NAT2: variants seen among roughly 807,000 people sequenced by gnomAD.
The protein encoded by NAT2 is N-acetyltransferase 2.
For synonymous variants in NAT2, 137 were observed against 125.9 expected, an observed-to-expected ratio of 1.09 and a Z score of -0.59; for missense variants, 428 against 339.1, an observed-to-expected ratio of 1.26 and a Z score of -2.06.
At chr8:18,389,859 C>T (rs1800565902), upstream of NAT2, among the ~76,000 whole-genome samples, 1 of 152,134 alleles carries the variant, frequency 6.6e-6, no homozygotes, top group Admixed American at 6.5e-5. Flanking sequence ...TCTCTAAAAC[C>T]AGGCCACAAG....
chr8:18,386,720 A>G (rs1800511089), upstream of NAT2, among the ~76,000 whole-genome samples: 1 of 151,652 alleles, frequency 6.6e-6, no homozygotes, highest in Admixed American at 6.6e-5. Flanking sequence ...AACTCCTCCC[A>G]CCCACCCGTA....
At chr8:18,398,216 C>G (rs1212015058) in intron 1 of NAT2, among the ~76,000 whole-genome samples, 1 of 152,120 alleles carries the variant, frequency 6.6e-6, no homozygotes, top group Non-Finnish European at 1.5e-5. Flanking sequence ...TAACCTAATG[C>G]CAATGGACTG....
upstream of NAT2, among the ~76,000 whole-genome samples, chr8:18,386,543 C>T (rs1282946397): frequency 6.6e-6 from 1 of 152,194 alleles, no homozygotes; most frequent in Non-Finnish European, 1.5e-5. Flanking sequence ...TGGATGGGCT[C>T]CAGCTTCTCC....
intron 1 of NAT2, among the ~76,000 whole-genome samples, chr8:18,392,454 C>T (rs1585135467): frequency 6.6e-6 from 1 of 152,178 alleles, no homozygotes; most frequent in Non-Finnish European, 1.5e-5. Context: ...AAGCATCCAG[C>T]ACAGGAGAAA....
Position 18,400,312 on chromosome 8 carries a change from T to G in NAT2, c.309T>G (p.Thr103=). The G allele has an allele frequency of 6.2e-7, 1 of 1,613,862 alleles. No homozygotes were observed. Among genetic ancestry groups the G allele is most frequent in the Non-Finnish European group, 8.5e-7 (1 of 1,179,910 alleles). The change falls in exon 2 of 2, where the codon ACT becomes ACG. Residue 103 remains threonine, a synonymous_variant. Transcript: ENST00000286479. The part of the protein sequence containing the change: ...FYIPPVNKYS[T]GMVHLLLQVT... ...TCCCTCCAGTTAACAAATACAGCAC[T>G]GGCATGGTTCACCTTCTCCTGCAGG...
chr8:18,395,895 A>G (rs1021459091), intron 1 of NAT2, among the ~76,000 whole-genome samples: 33 of 151,992 alleles, frequency 2.2e-4, no homozygotes, highest in African/African-American at 7.5e-4. Context: ...ACAAACAATA[A>G]GACCTAATAA....
At chr8:18,388,924 G>C (rs114510534), upstream of NAT2, among the ~76,000 whole-genome samples, 886 of 152,260 alleles carry the variant, frequency 5.8e-3, 9 homozygotes, top group African/African-American at 0.02. Context: ...TTGGTTTGAA[G>C]GTCTTGATGA....
chr8:18,389,933 G>A (rs955947047), upstream of NAT2, among the ~76,000 whole-genome samples: 7 of 152,308 alleles, frequency 4.6e-5, no homozygotes, highest in South Asian at 2.1e-4. Context: ...TCACCAGTGC[G>A]GGAGTATAAC....
At position 18,400,894 on chromosome 8, in the gene NAT2, A is replaced by G; in HGVS notation, c.*18A>G. ...CTATTTAGAATAAGGAACAAAATAA[A>G]CCCTTGTGTATGTATCACCCAACTC... On this transcript the variant is annotated 3_prime_UTR_variant, in exon 2 of 2. Transcript: ENST00000286479. The G allele has an allele frequency of 6.5e-7, 1 of 1,549,658 alleles. No individual in the cohort carries two copies. The highest frequency in any genetic ancestry group is 8.7e-7 in the Non-Finnish European group (1 of 1,152,274).
intron 1 of NAT2, among the ~76,000 whole-genome samples, chr8:18,392,865 G>A (rs55686478): frequency 0.15 from 23,261 of 152,054 alleles, 2,265 homozygotes; most frequent in East Asian, 0.48. Context: ...GAAGAAGCTC[G>A]GCTAGCAAAG....
In NAT2 at chr8:18,400,974, G is replaced by C. The variant is rs532595039; in HGVS notation, c.*98G>C. ...ATCCTCTCTACCCTCACGTTATTTT[G>C]AAGAAAATCCTAAACATCAAATACT... On this transcript the variant is annotated 3_prime_UTR_variant, in exon 2 of 2. Coordinates refer to ENST00000286479, the MANE Select transcript of NAT2 (RefSeq NM_000015.3). 17 of 824,696 alleles carry C rather than the reference G, an allele frequency of 2.1e-5. No individual in the cohort carries two copies. The highest frequency in any genetic ancestry group is 7.8e-4 in the Middle Eastern group (2 of 2,562). The allele number at this position is 824,696 out of a possible 1,614,324, so 51.1% of individuals were successfully genotyped here.
Position 18,401,208 on chromosome 8 carries a change from T to G in NAT2, c.*332T>G, listed in dbSNP as rs1800786367. On this transcript the variant is annotated 3_prime_UTR_variant, in exon 2 of 2. Transcript: ENST00000286479. ...TTTACTGGTAAATGAATAAAGAATATTGTGGAAAAACTCACTGTCTCTAAA... is the reference window on the plus strand; with the variant it reads ...TTTACTGGTAAATGAATAAAGAATAGTGTGGAAAAACTCACTGTCTCTAAA... 5.0e-6 allele frequency: 1 copy of G among 198,202 alleles called. No homozygotes were observed. Among genetic ancestry groups the G allele is most frequent in the Non-Finnish European group, 1.1e-5 (1 of 90,240 alleles). 12.3% of individuals were successfully genotyped at this position (198,202 alleles called of 1,614,324 possible).
chr8:18,388,614 T>G (rs1800544292), upstream of NAT2, among the ~76,000 whole-genome samples: 1 of 152,186 alleles, frequency 6.6e-6, no homozygotes, highest in Non-Finnish European at 1.5e-5. Context: ...AGTTTTGTTG[T>G]TAGCAAGGAA....
At chr8:18,395,554 G>A (rs986086362) in intron 1 of NAT2, among the ~76,000 whole-genome samples, 3 of 151,978 alleles carry the variant, frequency 2.0e-5, no homozygotes, top group Non-Finnish European at 2.9e-5. Flanking sequence ...CAAATACACC[G>A]AATATGTCTG....
chr8:18,397,159 A>G (rs1800706317), intron 1 of NAT2, among the ~76,000 whole-genome samples: 1 of 152,034 alleles, frequency 6.6e-6, no homozygotes, highest in Non-Finnish European at 1.5e-5. Context: ...GTCACTAAAA[A>G]TAAAAATTCC....
chr8:18,398,163 C>G (rs935978072), intron 1 of NAT2, among the ~76,000 whole-genome samples: 3 of 152,112 alleles, frequency 2.0e-5, no homozygotes, highest in African/African-American at 7.2e-5. Flanking sequence ...TTAGGTGCGA[C>G]AAGGTATGGG....
chr8:18,400,523 G>A lies in NAT2; in HGVS notation c.520G>A (p.Glu174Lys), dbSNP rs753856548. Residue 174 changes from glutamate (E) to lysine (K), a missense_variant, in exon 2 of 2, where the codon GAA becomes AAA. Transcript: ENST00000286479. ...GAGAGAGCAGTATATTACAAACAAA[G>A]AATTTCTTAATTCTCATCTCCTGCC... Reference protein sequence around the residue: ...IRREQYITNKEFLNSHLLPKK... With the variant: ...IRREQYITNKKFLNSHLLPKK... 6.2e-7 allele frequency: 1 copy of A among 1,613,048 alleles called. No individual in the cohort carries two copies. The highest frequency in any genetic ancestry group is 1.1e-5 in the South Asian group (1 of 90,854).
chr8:18,387,684 C>G (rs1025309901), upstream of NAT2: 3 of 156,528 alleles, frequency 1.9e-5, no homozygotes, highest in African/African-American at 7.2e-5. Flanking sequence ...CTTCCGGTCC[C>G]GCTCCTTCTC....
intron 1 of NAT2, among the ~76,000 whole-genome samples, chr8:18,393,165 T>C (rs777015125): frequency 2.0e-5 from 3 of 152,092 alleles, no homozygotes; most frequent in Non-Finnish European, 4.4e-5. Flanking sequence ...GTCCCCACTT[T>C]GAAATTTAAA....
Sources: gnomAD v4.1 joint callset for allele counts (sites outside exome capture counted in the v4.1 genomes callset) on GRCh38, gnomAD v4.1.1 for gene constraint, MANE v1.5 for transcripts, NCBI Gene and HGNC (gene_info 2026-07-23, HGNC 2026-07-21) for gene names.